Variants in YEATS2 observed in about 807,000 individuals in gnomAD.
The protein encoded by YEATS2 is YEATS domain containing 2.
A neutral mutation model predicts 163.2 loss-of-function variants in YEATS2; 77 were observed. The ratio of observed to expected loss-of-function variants is 0.47; its 90% CI spans 0.39 to 0.57. The LOEUF is 0.57. Ranked by LOEUF, YEATS2 falls within the 20% of genes least tolerant of loss-of-function variation. The pLI is 0.00. For synonymous variants in YEATS2, 631 were observed against 645.1 expected (o/e 0.98, Z 0.33); for missense variants, 1,549 against 1,729.8 (o/e 0.90, Z 1.85).
chr3:183,758,001 A>G (rs1720944966), intron 12 of YEATS2, among the ~76,000 whole-genome samples: 2 of 152,170 alleles, frequency 1.3e-5, no homozygotes, highest in East Asian at 1.9e-4. Context: ...CTTGTTGACT[A>G]TAGGTAATAT....
chr3:183,710,513 A>G (rs1019237143), intron 1 of YEATS2, among the ~76,000 whole-genome samples: 5 of 152,218 alleles, frequency 3.3e-5, no homozygotes, highest in South Asian at 2.1e-4. Context: ...GTTTATAAGA[A>G]GCTCAAATAT....
chr3:183,770,713 C>T (rs903272931), intron 15 of YEATS2, among the ~76,000 whole-genome samples: 2 of 152,152 alleles, frequency 1.3e-5, no homozygotes, highest in Non-Finnish European at 2.9e-5. Flanking sequence ...TCATAGGAAA[C>T]GTGATGTTGT....
At chr3:183,744,328 GC>G (rs1330243737) in intron 8 of YEATS2, among the ~76,000 whole-genome samples, 1 of 151,672 alleles carries the variant, frequency 6.6e-6, no homozygotes, top group Non-Finnish European at 1.5e-5. Context: ...TGTTGGCTAG[GC>G]TGGTCTCAAA....
chr3:183,755,265 G>A (rs907017413), intron 11 of YEATS2, among the ~76,000 whole-genome samples: 2 of 152,188 alleles, frequency 1.3e-5, no homozygotes, highest in East Asian at 1.9e-4. Context: ...CTGCAGGCAC[G>A]TGTCACCACT....
intron 21 of YEATS2, among the ~76,000 whole-genome samples, chr3:183,795,483 TAGAGACGGGG>T (rs1725059631): frequency 3.2e-5 from 4 of 123,940 alleles, no homozygotes; most frequent in Non-Finnish European, 3.4e-5. Flanking sequence ...TTTTTTTTTT[TAGAGACGGGG>T]TCTTGCTTTG....
In YEATS2 at chr3:183,807,549, A is replaced by G. The variant is rs560536604; in HGVS notation, c.4011+457A>G. The G allele has an allele frequency of 9.0e-5, 21 of 232,778 alleles. No homozygotes were observed. The South Asian group carries it at 1.2e-3, about 13-fold the overall frequency. The allele number at this position is 232,778 out of a possible 1,614,324, so 14.4% of individuals were successfully genotyped here. On this transcript the variant is annotated intron_variant, in intron 28 of 30. Transcript: ENST00000305135. ...GGTGCAGATGGCGTGCACCTGCCTT[A>G]CTATACAGGAGAGAGGTATTTATCC...
chr3:183,749,684 C>G (rs964033513), intron 9 of YEATS2, among the ~76,000 whole-genome samples: 7 of 152,146 alleles, frequency 4.6e-5, no homozygotes, highest in Admixed American at 2.0e-4. Flanking sequence ...CTCTCTCACC[C>G]AGCCTGGAGT....
intron 1 of YEATS2, among the ~76,000 whole-genome samples, chr3:183,710,103 A>G (rs1577033834): frequency 6.6e-6 from 1 of 152,238 alleles, no homozygotes; most frequent in African/African-American, 2.4e-5. Context: ...TCACAGTCAA[A>G]TTGTATATGA....
At chr3:183,760,447 T>C (rs994044683) in intron 13 of YEATS2, among the ~76,000 whole-genome samples, 1 of 151,034 alleles carries the variant, frequency 6.6e-6, no homozygotes, top group Non-Finnish European at 1.5e-5. Context: ...CTCAGTCTCC[T>C]GAGTAGCTGG....
intron 15 of YEATS2, among the ~76,000 whole-genome samples, chr3:183,763,646 C>T (rs262989): frequency 0.4 from 60,121 of 152,014 alleles, 12,452 homozygotes; most frequent in Middle Eastern, 0.53. Context: ...TAAAGTCAGG[C>T]CTGCTAACTC....
At chr3:183,747,127 A>T (rs865891178) in intron 8 of YEATS2, among the ~76,000 whole-genome samples, 2 of 152,190 alleles carry the variant, frequency 1.3e-5, no homozygotes, top group South Asian at 4.1e-4. Context: ...ATTTGAAGTC[A>T]TTAGCATAGC....
At chr3:183,808,963 A>AT in intron 29 of YEATS2, 134 bp from the exon 30 acceptor site, 1 of 772,216 alleles carries the variant, frequency 1.3e-6, no homozygotes, top group Non-Finnish European at 2.2e-6. Flanking sequence ...GAGGCCTTTA[A>AT]TTTTTTCTTA....
At chr3:183,786,608 C>T (rs542138438) in intron 20 of YEATS2, among the ~76,000 whole-genome samples, 6 of 152,096 alleles carry the variant, frequency 3.9e-5, no homozygotes, top group African/African-American at 1.2e-4. Flanking sequence ...TCTAGGCGAC[C>T]GCTGACCTAC....
intron 19 of YEATS2, among the ~76,000 whole-genome samples, chr3:183,780,000 C>CT (rs71298586): frequency 0.29 from 38,566 of 134,664 alleles, 6,966 homozygotes; most frequent in African/African-American, 0.53. Context: ...CTGGCCTTTA[C>CT]TTTTTTTTTT....
chr3:183,708,268 T>A (rs749411720), intron 1 of YEATS2, among the ~76,000 whole-genome samples: 80 of 151,634 alleles, frequency 5.3e-4, no homozygotes, highest in Admixed American at 5.9e-4. Context: ...TTCAAGCAGT[T>A]CTCCTGACTC....
intron 26 of YEATS2, 106 bp from the exon 27 acceptor site, chr3:183,803,881 A>ATCACC: frequency 7.9e-7 from 1 of 1,268,068 alleles, no homozygotes; most frequent in Non-Finnish European, 1.1e-6. Context: ...TAAAAAAAAA[A>ATCACC]ATTCTAACAG....
chr3:183,798,180 A>G (rs1725337506), intron 22 of YEATS2, 129 bp downstream of exon 22: 4 of 1,361,098 alleles, frequency 2.9e-6, no homozygotes, highest in Non-Finnish European at 4.0e-6. Flanking sequence ...GCGCCTGTGT[A>G]CAGCCACCCT....
At chr3:183,757,161 G>T (rs924146163) in intron 12 of YEATS2, among the ~76,000 whole-genome samples, 1 of 152,078 alleles carries the variant, frequency 6.6e-6, no homozygotes, top group East Asian at 1.9e-4. Context: ...AACTCTAATA[G>T]GAAAAAGTCA....
chr3:183,769,318 A>G (rs1722223424), intron 15 of YEATS2, among the ~76,000 whole-genome samples: 1 of 152,170 alleles, frequency 6.6e-6, no homozygotes, highest in East Asian at 1.9e-4. Context: ...GGTTAAGATC[A>G]AGGTCTCTGC....
Sources: gnomAD v4.1 joint callset for allele counts (sites outside exome capture counted in the v4.1 genomes callset) on GRCh38, gnomAD v4.1.1 for gene constraint, MANE v1.5 for transcripts, NCBI Gene and HGNC (gene_info 2026-07-23, HGNC 2026-07-21) for gene names.